NLGN1: variants seen among roughly 807,000 people sequenced by gnomAD.
NLGN1 encodes neuroligin 1.
Under a neutral mutation model 65.5 loss-of-function variants are expected in NLGN1, and 12 were observed. The observed-to-expected ratio is 0.18, with a 90% CI of 0.12 to 0.30. NLGN1 has a LOEUF of 0.30. NLGN1 is among the 10% of genes least tolerant of loss of function. The pLI is 1.00. For missense variants in NLGN1, 750 were observed against 1,007.1 expected (o/e 0.74, Z 3.46); for synonymous variants, 350 against 359.5 (o/e 0.97, Z 0.30).
intron 3 of NLGN1, among the ~76,000 whole-genome samples, chr3:173,744,496 A>G (rs748770772): frequency 3.3e-5 from 5 of 152,130 alleles, no homozygotes; most frequent in Non-Finnish European, 5.9e-5. Context: ...AAGGAGGGAC[A>G]GAGAACAGCA....
chr3:174,030,078 C>T (rs1159500924), intron 4 of NLGN1, among the ~76,000 whole-genome samples: 23 of 150,494 alleles, frequency 1.5e-4, no homozygotes, highest in Admixed American at 1.5e-3. Context: ...CTGGATAACA[C>T]ATGTGTTATT....
chr3:173,533,798 A>G (rs1317947464), intron 2 of NLGN1, among the ~76,000 whole-genome samples: 1 of 152,160 alleles, frequency 6.6e-6, no homozygotes, highest in Non-Finnish European at 1.5e-5. Flanking sequence ...CCTGGCCAAC[A>G]TGGCAAAACC....
At chr3:173,971,639 C>G (rs2152375192) in intron 4 of NLGN1, among the ~76,000 whole-genome samples, 1 of 152,132 alleles carries the variant, frequency 6.6e-6, no homozygotes, top group South Asian at 2.1e-4. Flanking sequence ...AGTAAGGCAT[C>G]AAACCACTAA....
chr3:173,572,740 G>A (rs1187263777), intron 2 of NLGN1, among the ~76,000 whole-genome samples: 1 of 152,086 alleles, frequency 6.6e-6, no homozygotes, highest in African/African-American at 2.4e-5. Context: ...GGGCATCCTG[G>A]GTATTTTCTC....
chr3:174,150,789 T>C (rs575538159), intron 4 of NLGN1, among the ~76,000 whole-genome samples: 3 of 152,146 alleles, frequency 2.0e-5, no homozygotes, highest in Non-Finnish European at 4.4e-5. Context: ...AAAGCCGTAA[T>C]GTTGGAGAAT....
At chr3:174,278,585 A>G (rs1000031566) in intron 5 of NLGN1, among the ~76,000 whole-genome samples, 2 of 151,870 alleles carry the variant, frequency 1.3e-5, no homozygotes, top group African/African-American at 4.8e-5. Flanking sequence ...ACTTTTTACC[A>G]CTACATCGTC....
At chr3:173,887,800 G>T (rs918845243) in intron 4 of NLGN1, among the ~76,000 whole-genome samples, 1 of 151,376 alleles carries the variant, frequency 6.6e-6, no homozygotes, top group Non-Finnish European at 1.5e-5. Flanking sequence ...TTTAATAACT[G>T]GTTTTTAAAA....
intron 4 of NLGN1, among the ~76,000 whole-genome samples, chr3:174,205,184 A>G (rs9858658): frequency 0.22 from 33,850 of 152,050 alleles, 4,235 homozygotes; most frequent in African/African-American, 0.34. Context: ...TAATCTTAGG[A>G]ATCCACTGAA....
intron 3 of NLGN1, among the ~76,000 whole-genome samples, chr3:173,698,959 C>T (rs534052695): frequency 9.2e-5 from 14 of 152,096 alleles, no homozygotes; most frequent in Non-Finnish European, 1.9e-4. Flanking sequence ...CAGGTTCAAG[C>T]GATTCTCCTG....
At chr3:173,718,551 T>C (rs1291745199) in intron 3 of NLGN1, among the ~76,000 whole-genome samples, 6 of 152,170 alleles carry the variant, frequency 3.9e-5, no homozygotes, top group Non-Finnish European at 7.4e-5. Flanking sequence ...CCACAAATTA[T>C]AATCCTTAGA....
chr3:173,997,396 C>G (rs1722481095), intron 4 of NLGN1, among the ~76,000 whole-genome samples: 1 of 152,048 alleles, frequency 6.6e-6, no homozygotes, highest in South Asian at 2.1e-4. Context: ...TCAAATATTT[C>G]AAAACTCATT....
intron 4 of NLGN1, among the ~76,000 whole-genome samples, chr3:173,933,088 A>G (rs1744405123): frequency 6.6e-6 from 1 of 152,146 alleles, no homozygotes; most frequent in Non-Finnish European, 1.5e-5. Flanking sequence ...AAACCTTAAG[A>G]GAAAGTAGGA....
chr3:174,004,033 C>T (rs1374001818), intron 4 of NLGN1, among the ~76,000 whole-genome samples: 1 of 152,074 alleles, frequency 6.6e-6, no homozygotes, highest in East Asian at 1.9e-4. Flanking sequence ...TCTGCAATTT[C>T]TTTTTCCATG....
At chr3:173,622,678 C>G (rs1324223952) in intron 3 of NLGN1, among the ~76,000 whole-genome samples, 1 of 151,856 alleles carries the variant, frequency 6.6e-6, no homozygotes, top group Non-Finnish European at 1.5e-5. Flanking sequence ...AGGACTGCAT[C>G]GGAGAAGTGG....
intron 4 of NLGN1, among the ~76,000 whole-genome samples, chr3:174,014,185 A>G (rs1278719747): frequency 1.3e-5 from 2 of 152,196 alleles, no homozygotes; most frequent in Non-Finnish European, 2.9e-5. Flanking sequence ...AAGCCCCGTG[A>G]AACATATAAA....
chr3:173,491,879 T>G (rs2149014904), intron 2 of NLGN1, among the ~76,000 whole-genome samples: 1 of 151,876 alleles, frequency 6.6e-6, no homozygotes, highest in South Asian at 2.1e-4. Context: ...CATTAACCCC[T>G]GAACTATGCC....
intron 1 of NLGN1, among the ~76,000 whole-genome samples, chr3:173,407,788 A>G (rs564709846): frequency 7.2e-5 from 11 of 152,366 alleles, no homozygotes; most frequent in African/African-American, 2.4e-4. Flanking sequence ...AAAGCAAAGA[A>G]AAATGCTTAT....
chr3:173,593,095 T>C (rs1309217361), intron 2 of NLGN1, among the ~76,000 whole-genome samples: 1 of 152,194 alleles, frequency 6.6e-6, no homozygotes, highest in Non-Finnish European at 1.5e-5. Flanking sequence ...TCATTCCCAC[T>C]CCATATTCTT....
At chr3:173,783,250 C>G (rs1200557239) in intron 3 of NLGN1, among the ~76,000 whole-genome samples, 1 of 151,982 alleles carries the variant, frequency 6.6e-6, no homozygotes, top group African/African-American at 2.4e-5. Flanking sequence ...AAAAAGAGAC[C>G]ATTACATTTG....
Sources: gnomAD v4.1 joint callset for allele counts (sites outside exome capture counted in the v4.1 genomes callset) on GRCh38, gnomAD v4.1.1 for gene constraint, MANE v1.5 for transcripts, NCBI Gene and HGNC (gene_info 2026-07-23, HGNC 2026-07-21) for gene names.